The following C8orf34 variants were observed in gnomAD, a reference collection of about 807,000 sequenced individuals.
The protein encoded by C8orf34 is chromosome 8 open reading frame 34.
In C8orf34, 65 loss-of-function variants were observed where a neutral mutation model predicts 68.3. That is an observed-to-expected ratio of 0.95 (90% CI 0.78 to 1.17). C8orf34 has a LOEUF of 1.17. C8orf34 is among the 50% of genes most tolerant of loss of function. The probability of loss-of-function intolerance (pLI) is 0.00; values close to 1 mark genes in which losing one functional copy is unlikely to be tolerated. For synonymous variants in C8orf34, 244 were observed against 241.2 expected, an observed-to-expected ratio of 1.01 and a Z score of -0.11; for missense variants, 664 against 655.4, an observed-to-expected ratio of 1.01 and a Z score of -0.14.
At chr8:68,518,236 C>T (rs1036013359) in intron 5 of C8orf34, among the ~76,000 whole-genome samples, 7 of 152,144 alleles carry the variant, frequency 4.6e-5, no homozygotes, top group African/African-American at 1.2e-4. Context: ...TGGTCATGTC[C>T]CTTGGTGAGA....
At chr8:68,467,372 C>T (rs1012702506) in intron 3 of C8orf34, among the ~76,000 whole-genome samples, 2 of 152,008 alleles carry the variant, frequency 1.3e-5, no homozygotes, top group Admixed American at 1.3e-4. Context: ...TTGCCAAACC[C>T]TGCCCAAAGA....
At chr8:68,723,217 G>A (rs867498339) in intron 10 of C8orf34, among the ~76,000 whole-genome samples, 8 of 151,968 alleles carry the variant, frequency 5.3e-5, no homozygotes, top group African/African-American at 1.4e-4. Flanking sequence ...AGTTTTACTC[G>A]TGGAGTGATA....
chr8:68,595,863 A>G (rs1817534126), intron 7 of C8orf34, among the ~76,000 whole-genome samples: 1 of 152,028 alleles, frequency 6.6e-6, no homozygotes, highest in African/African-American at 2.4e-5. Context: ...GCTTGTATCT[A>G]TGCTTATATT....
At chr8:68,570,626 T>C (rs1816734713) in intron 7 of C8orf34, among the ~76,000 whole-genome samples, 1 of 152,218 alleles carries the variant, frequency 6.6e-6, no homozygotes, top group African/African-American at 2.4e-5. Context: ...TTGGTTCCGA[T>C]ATTTCCCCTG....
upstream of C8orf34, among the ~76,000 whole-genome samples, chr8:68,330,495 C>T (rs966820444): frequency 5.9e-5 from 9 of 152,100 alleles, no homozygotes; most frequent in Admixed American, 1.3e-4. Flanking sequence ...AACCCACGCA[C>T]CTTCTCAAAA....
At chr8:68,685,122 A>G (rs1446617681) in intron 8 of C8orf34, among the ~76,000 whole-genome samples, 2 of 152,068 alleles carry the variant, frequency 1.3e-5, no homozygotes, top group Non-Finnish European at 2.9e-5. Context: ...TAACTCTTTC[A>G]TACTACGGTA....
At chr8:68,358,312 A>G (rs1408653271) in intron 1 of C8orf34, among the ~76,000 whole-genome samples, 2 of 152,052 alleles carry the variant, frequency 1.3e-5, no homozygotes, top group African/African-American at 4.8e-5. Flanking sequence ...ATGAAGCACC[A>G]AAAAAGGCAA....
At chr8:68,513,801 C>T (rs938528774) in intron 5 of C8orf34, among the ~76,000 whole-genome samples, 2 of 152,136 alleles carry the variant, frequency 1.3e-5, no homozygotes, top group African/African-American at 4.8e-5. Context: ...CCATGTGATC[C>T]CAGCCCTAGC....
chr8:68,596,396 A>G (rs1335518161), intron 7 of C8orf34, among the ~76,000 whole-genome samples: 2 of 152,160 alleles, frequency 1.3e-5, no homozygotes, highest in Admixed American at 6.6e-5. Context: ...AGAAATTAAT[A>G]TATTATTTTT....
chr8:68,782,099 A>C (rs1407434273), intron 11 of C8orf34, among the ~76,000 whole-genome samples: 1 of 152,150 alleles, frequency 6.6e-6, no homozygotes, highest in Non-Finnish European at 1.5e-5. Flanking sequence ...GATCACTTTA[A>C]ATTTTTCTGT....
At chr8:68,547,581 G>T (rs1586356655) in intron 7 of C8orf34, among the ~76,000 whole-genome samples, 1 of 151,588 alleles carries the variant, frequency 6.6e-6, no homozygotes, top group Non-Finnish European at 1.5e-5. Context: ...AAAGAAAAAA[G>T]AAAATTACAG....
intron 12 of C8orf34, among the ~76,000 whole-genome samples, chr8:68,798,056 A>G (rs1824228277): frequency 6.6e-6 from 1 of 152,116 alleles, no homozygotes; most frequent in Non-Finnish European, 1.5e-5. Context: ...AAAAAGACAA[A>G]ACTTTCTAGT....
At chr8:68,468,844 A>G (rs1812259647) in intron 4 of C8orf34, 24 bp downstream of exon 4, 2 of 1,601,934 alleles carry the variant, frequency 1.2e-6, no homozygotes, top group African/African-American at 1.3e-5. Context: ...CTTGATTATA[A>G]TTGAAACTCC....
rs1253992566 is a variant in C8orf34, at chr8:68,528,283, T to C, written c.939-4700T>C. ...ATATCCTAGACCTTCTCATTCTCAT[T>C]ATCTGCAAATCCATGATGTCAATTT... On this transcript the variant is annotated intron_variant, in intron 6 of 13. Coordinates refer to ENST00000518698, the MANE Select transcript of C8orf34 (RefSeq NM_052958.4). Among the ~76,000 whole-genome samples the C allele has an allele frequency of 3.9e-5, 6 of 152,234 alleles. No individual in the cohort carries two copies. The East Asian group carries it at 1.2e-3, about 29-fold the overall frequency.
intron 6 of C8orf34, 132 bp downstream of exon 6, chr8:68,522,103 T>C (rs1814782494): frequency 5.7e-6 from 4 of 704,008 alleles, no homozygotes; most frequent in Non-Finnish European, 8.7e-6. Flanking sequence ...AGTCTATACA[T>C]AGGATAAAAA....
At chr8:68,640,314 A>T (rs1818966923) in intron 7 of C8orf34, 62 bp from the exon 8 acceptor site, 14 of 1,519,766 alleles carry the variant, frequency 9.2e-6, no homozygotes, top group Non-Finnish European at 1.3e-5. Flanking sequence ...GAAAATATGA[A>T]TTTTTCTCCT....
intron 3 of C8orf34, among the ~76,000 whole-genome samples, chr8:68,454,583 C>T (rs1195227733): frequency 6.6e-6 from 1 of 151,898 alleles, no homozygotes; most frequent in African/African-American, 2.4e-5. Context: ...TTTTAATTTT[C>T]TTAAAGTTTG....
intron 10 of C8orf34, among the ~76,000 whole-genome samples, chr8:68,738,390 C>T (rs1822182670): frequency 6.6e-6 from 1 of 151,876 alleles, no homozygotes; most frequent in Non-Finnish European, 1.5e-5. Context: ...AATAGAACAA[C>T]TAGAGAACCA....
chr8:68,688,449 G>A (rs570597863), intron 8 of C8orf34, among the ~76,000 whole-genome samples: 2 of 152,064 alleles, frequency 1.3e-5, no homozygotes, highest in South Asian at 4.2e-4. Context: ...AATACCACTT[G>A]ACCCAGCAAT....
Sources: gnomAD v4.1 joint callset for allele counts (sites outside exome capture counted in the v4.1 genomes callset) on GRCh38, gnomAD v4.1.1 for gene constraint, MANE v1.5 for transcripts, NCBI Gene and HGNC (gene_info 2026-07-23, HGNC 2026-07-21) for gene names.